The following SYP variants were observed in gnomAD, a reference collection of about 807,000 sequenced individuals.
The protein encoded by SYP is major synaptic vesicle protein P38.
Under a neutral mutation model 24.3 loss-of-function variants are expected in SYP, and 2 were observed. The observed-to-expected ratio is 0.08, with a 90% confidence interval of 0.03 to 0.26. SYP has a LOEUF of 0.26. Among genes scored for constraint, SYP ranks in the 10% least tolerant of loss-of-function variants. SYP has a pLI of 1.00. For missense variants in SYP, 216 were observed against 266.3 expected, an observed-to-expected ratio of 0.81 and a Z score of 1.32; for synonymous variants, 143 against 123.2, an observed-to-expected ratio of 1.16 and a Z score of -1.07.
intron 2 of SYP, chrX:49,198,136 G>C (rs1454618222): frequency 5.8e-6 from 2 of 346,443 alleles, no homozygotes; most frequent in East Asian, 1.0e-4. Flanking sequence ...TGTTTCTCTC[G>C]GTATCTCTGT....
chrX:49,194,704 CT>C (rs34247999), intron 3 of SYP, among the ~76,000 whole-genome samples: 21 of 57,412 alleles, frequency 3.7e-4, no homozygotes, highest in East Asian at 9.9e-4. Context: ...CCCTCATCTC[CT>C]TTTTTTTTTT....
At chrX:49,194,074 G>T in intron 4 of SYP, 92 bp downstream of exon 4, 1 of 1,058,383 alleles carries the variant, frequency 9.4e-7, no homozygotes. Context: ...ATGTGGGCCT[G>T]TCTGGGATTT....
intron 6 of SYP, 62 bp from the exon 7 acceptor site, chrX:49,189,344 G>A (rs2065498494): frequency 9.2e-6 from 1 of 109,261 alleles, no homozygotes; most frequent in Non-Finnish European, 1.9e-5. Context: ...CCTCAGATAG[G>A]GGTTGGGCTG....
rs1222305367 is a variant in SYP, at chrX:49,188,595, TC to T, written c.*691del. On this transcript the variant is annotated 3_prime_UTR_variant, in exon 7 of 7. Coordinates refer to ENST00000263233, the MANE Select transcript of SYP (RefSeq NM_003179.3). ...ACCCACCTACTCTGGAGCCCACCAT[TC>T]TGCCTCGCTTAAAGCCTCGCCCCTT... 1 of 110,919 alleles carries T rather than the reference TC, an allele frequency of 9.0e-6. No individual in the cohort carries two copies. The highest frequency in any genetic ancestry group is 1.9e-5 in the Non-Finnish European group (1 of 52,946). 9.1% of individuals were successfully genotyped at this position (110,919 alleles called of 1,213,427 possible). A position where few individuals can be genotyped will look rare whatever the true frequency, so the allele number is the denominator to read the frequency against.
Position 49,191,731 on chromosome X carries a change from G to A in SYP, c.648C>T (p.Val216=), listed in dbSNP as rs1557102779. 1 of 1,208,563 alleles carries A rather than the reference G, an allele frequency of 8.3e-7. No homozygotes were observed. The highest frequency in any genetic ancestry group is 1.1e-6 in the Non-Finnish European group (1 of 893,994). ...CCTTAAACACGAACCACAGGTTGCC[G>A]ACCCAGAGCACCAGGTTCAGGAAGC... ...VFGFLNLVLW[V]GNLWFVFKET... The change falls in exon 6 of 7, where the codon GTC becomes GTT. Residue 216 remains valine (V), a synonymous_variant. Transcript: ENST00000263233.
chrX:49,195,453 T>G (rs1473378783), intron 3 of SYP, among the ~76,000 whole-genome samples: 8 of 110,667 alleles, frequency 7.2e-5, no homozygotes, highest in African/African-American at 9.9e-5. Flanking sequence ...CCCACCCCAG[T>G]TCAGGTCCCC....
At chrX:49,196,958 T>C (rs782562824) in intron 3 of SYP, 1 of 111,770 alleles carries the variant, frequency 8.9e-6, no homozygotes, top group East Asian at 2.8e-4. Flanking sequence ...TTTGTTAATT[T>C]ATTTGTTATA....
intron 3 of SYP, among the ~76,000 whole-genome samples, chrX:49,194,844 G>T (rs1269504430): frequency 9.1e-6 from 1 of 109,902 alleles, no homozygotes; most frequent in Non-Finnish European, 1.9e-5. Context: ...GAGTAGCTGG[G>T]ATTACAGGCA....
intron 2 of SYP, chrX:49,198,720 A>G (rs782168866): frequency 7.4e-6 from 3 of 407,265 alleles, no homozygotes; most frequent in Middle Eastern, 6.6e-4. Context: ...CCTCACTTCA[A>G]GAGAGGAGGT....
intron 3 of SYP, 70 bp downstream of exon 3, chrX:49,197,645 G>A: frequency 3.4e-6 from 4 of 1,166,505 alleles, no homozygotes; most frequent in South Asian, 1.9e-5. Flanking sequence ...CTTGCGGGGG[G>A]AGGTATTGGC....
chrX:49,191,494 A>G lies in SYP; in HGVS notation c.885T>C (p.Tyr295=), dbSNP rs781877908. Residue 295 remains tyrosine, a synonymous_variant, in exon 6 of 7, where the codon TAT becomes TAC. Transcript: ENST00000263233. ...CCTGCGGGCCGTAGCCTTGCTGCCC[A>G]TAGTCGCCCTGAGGCCCGTAGCCAC... ...GGSGYGPQGD[Y]GQQGYGPQGA... The G allele has an allele frequency of 6.6e-6, 8 of 1,210,490 alleles. No individual in the cohort carries two copies. In the East Asian group the frequency reaches 2.1e-4, roughly 31 times the overall value.
intron 5 of SYP, 103 bp from the exon 6 acceptor site, chrX:49,191,866 T>TG (rs2065510970): frequency 1.1e-6 from 1 of 918,420 alleles, no homozygotes; most frequent in Admixed American, 2.6e-5. Context: ...CTCCGCAAGG[T>TG]GGGGGTTTCT....
chrX:49,198,721 G>T, intron 2 of SYP: 3 of 365,436 alleles, frequency 8.2e-6, no homozygotes, highest in Non-Finnish European at 1.5e-5. Flanking sequence ...CTCACTTCAA[G>T]AGAGGAGGTA....
At chrX:49,194,867 C>T (rs1433554832) in intron 3 of SYP, among the ~76,000 whole-genome samples, 1 of 110,815 alleles carries the variant, frequency 9.0e-6, no homozygotes, top group Non-Finnish European at 1.9e-5. Flanking sequence ...CGCCGCTACG[C>T]CCAGCTAATT....
At chrX:49,197,558 G>T in intron 3 of SYP, 157 bp downstream of exon 3, 1 of 787,440 alleles carries the variant, frequency 1.3e-6, no homozygotes, top group African/African-American at 2.0e-5. Context: ...CTAGAGTCCA[G>T]AGCAGTGCCA....
At chrX:49,198,306 G>A (rs2065536309) in intron 2 of SYP, 3 of 140,694 alleles carry the variant, frequency 2.1e-5, no homozygotes, top group Non-Finnish European at 4.2e-5. Flanking sequence ...CTGTTTCTTG[G>A]TCTGTTTGTC....
chrX:49,191,890 T>C, intron 5 of SYP, 127 bp from the exon 6 acceptor site: 1 of 770,941 alleles, frequency 1.3e-6, no homozygotes, highest in South Asian at 2.3e-5. Flanking sequence ...ACCCAGACTC[T>C]CTGAGTCCCA....
chrX:49,197,584 C>T, intron 3 of SYP, 131 bp downstream of exon 3: 1 of 960,268 alleles, frequency 1.0e-6, no homozygotes, highest in Non-Finnish European at 1.4e-6. Flanking sequence ...AAGGCAGGTG[C>T]TCAGTGATCC....
intron 6 of SYP, 137 bp downstream of exon 6, chrX:49,191,296 G>T: frequency 4.4e-6 from 3 of 687,530 alleles, no homozygotes; most frequent in Non-Finnish European, 4.5e-6. Context: ...CCTCTTGATT[G>T]GCTCCTTCAA....
Sources: allele counts gnomAD v4.1 joint callset (sites outside exome capture counted in the v4.1 genomes callset), GRCh38; gene constraint gnomAD v4.1.1; transcripts MANE v1.5; gene names NCBI Gene and HGNC (gene_info 2026-07-23, HGNC 2026-07-21).